SPATS2: variants seen among roughly 807,000 people sequenced by gnomAD.
The protein encoded by SPATS2 is spermatogenesis-associated serine-rich protein 2.
Under a neutral mutation model 63.7 loss-of-function variants are expected in SPATS2, and 38 were observed. That is an observed-to-expected ratio of 0.60 (90% confidence interval 0.46 to 0.78). SPATS2 has a LOEUF of 0.78. Ranked by LOEUF, SPATS2 falls within the 30% of genes least tolerant of loss-of-function variation. SPATS2 has a pLI of 0.00. For missense variants in SPATS2, 588 were observed against 666.2 expected (o/e 0.88, Z 1.29); for synonymous variants, 207 against 232.9 (o/e 0.89, Z 1.01).
At chr12:49,429,041 G>A (rs1945133635) in intron 2 of SPATS2, among the ~76,000 whole-genome samples, 1 of 152,166 alleles carries the variant, frequency 6.6e-6, no homozygotes, top group Non-Finnish European at 1.5e-5. Flanking sequence ...AGTAAAATAG[G>A]AGGAGACAAA....
chr12:49,399,997 C>G (rs1944577809), intron 2 of SPATS2, among the ~76,000 whole-genome samples: 1 of 152,130 alleles, frequency 6.6e-6, no homozygotes, highest in African/African-American at 2.4e-5. Context: ...GATCACGCCA[C>G]TGCACTCCAG....
At chr12:49,491,208 C>T (rs1227328334) in intron 6 of SPATS2, 1 of 152,694 alleles carries the variant, frequency 6.5e-6, no homozygotes, top group African/African-American at 2.4e-5. Flanking sequence ...CCACACAGTC[C>T]TCTCCGTGTG....
intron 3 of SPATS2, among the ~76,000 whole-genome samples, chr12:49,476,209 G>A (rs1025087022): frequency 6.6e-6 from 1 of 152,164 alleles, no homozygotes; most frequent in Non-Finnish European, 1.5e-5. Context: ...GAACACACAG[G>A]CGGCTGGAGG....
chr12:49,430,196 G>T (rs1451450552), intron 2 of SPATS2, among the ~76,000 whole-genome samples: 3 of 148,496 alleles, frequency 2.0e-5, no homozygotes, highest in Non-Finnish European at 4.4e-5. Context: ...TGCCTCCCAG[G>T]TTCAAGCAGT....
In SPATS2 at chr12:49,526,001, A is replaced by G; in HGVS notation, c.1384A>G (p.Asn462Asp). 2.5e-6 allele frequency: 4 copies of G among 1,614,278 alleles called. No homozygotes were observed. The highest frequency in any genetic ancestry group is 3.4e-6 in the Non-Finnish European group (4 of 1,180,048). ...QGYRPQGQKS[N>D]DPMNQGRHDS... The stretch of plus-strand genomic sequence containing the variant: ...CTATAGGCCACAAGGCCAAAAGTCC[A>G]ATGACCCCATGAACCAAGGGCGGCA... The change falls in exon 14 of 14, where the codon AAT becomes GAT. Residue 462 changes from asparagine (N) to aspartate (D), a missense_variant. Physicochemically the swap from Asn to Asp is conservative, Grantham distance 23. Coordinates refer to ENST00000552918, the MANE Select transcript of SPATS2 (RefSeq NM_023071.4).
intron 2 of SPATS2, among the ~76,000 whole-genome samples, chr12:49,421,119 C>T (rs11611801): frequency 0.092 from 14,043 of 152,122 alleles, 758 homozygotes; most frequent in African/African-American, 0.14. Flanking sequence ...CACGTGTATA[C>T]GTAAAAATTC....
intron 11 of SPATS2, among the ~76,000 whole-genome samples, chr12:49,519,514 G>GC (rs879938760): frequency 3.9e-5 from 6 of 152,148 alleles, no homozygotes; most frequent in Non-Finnish European, 8.8e-5. Context: ...TTCTGTAAGA[G>GC]CCTCTTAACT....
chr12:49,382,577 T>C lies in SPATS2; in HGVS notation c.-244+11287T>C, dbSNP rs1343558233. 1.3e-5 allele frequency among the ~76,000 whole-genome samples: 2 copies of C among 152,238 alleles called. 1 individual carries two copies. The highest frequency in any genetic ancestry group is 2.9e-5 in the Non-Finnish European group (2 of 68,034). ...ACTTTGATCCCTAACACTAGCCCTT[T>C]CCAAATAACACTGTCCTAATTAACA... On this transcript the variant is annotated intron_variant, in intron 2 of 13. Transcript: ENST00000552918.
intron 7 of SPATS2, among the ~76,000 whole-genome samples, chr12:49,495,719 T>C (rs943043397): frequency 2.6e-5 from 4 of 152,204 alleles, no homozygotes; most frequent in African/African-American, 7.2e-5. Context: ...AGCAGAGAAA[T>C]ACCTCAGTAT....
intron 2 of SPATS2, chr12:49,389,487 G>C (rs1390155848): frequency 1.1e-5 from 9 of 805,888 alleles, no homozygotes; most frequent in Non-Finnish European, 2.0e-5. Flanking sequence ...ACGGCTGCGA[G>C]GGACTAAGAG....
intron 2 of SPATS2, among the ~76,000 whole-genome samples, chr12:49,457,819 T>C (rs944081091): frequency 1.3e-5 from 2 of 152,214 alleles, no homozygotes; most frequent in African/African-American, 4.8e-5. Flanking sequence ...ATCTGAGTTC[T>C]GTTCTTTTTT....
At chr12:49,445,614 T>C (rs1565725996) in intron 2 of SPATS2, among the ~76,000 whole-genome samples, 2 of 152,034 alleles carry the variant, frequency 1.3e-5, no homozygotes, top group African/African-American at 4.8e-5. Context: ...ACCTCCCAGG[T>C]TCAAGTGATC....
chr12:49,510,883 T>C (rs1283019246), intron 9 of SPATS2, among the ~76,000 whole-genome samples: 1 of 152,310 alleles, frequency 6.6e-6, no homozygotes, highest in East Asian at 1.9e-4. Flanking sequence ...ATGGGGATGC[T>C]TCAGTAACAG....
At chr12:49,433,602 T>C (rs1295254275) in intron 2 of SPATS2, among the ~76,000 whole-genome samples, 2 of 152,214 alleles carry the variant, frequency 1.3e-5, no homozygotes, top group African/African-American at 4.8e-5. Context: ...GAGAAATGCC[T>C]GTTTAACTCC....
chr12:49,390,857 T>C (rs1944406345), intron 2 of SPATS2, among the ~76,000 whole-genome samples: 1 of 152,116 alleles, frequency 6.6e-6, no homozygotes. Flanking sequence ...ATAATAGACA[T>C]TTTAGTAGGT....
chr12:49,506,237 A>G (rs1179124168), intron 9 of SPATS2, among the ~76,000 whole-genome samples: 2 of 152,196 alleles, frequency 1.3e-5, no homozygotes, highest in African/African-American at 4.8e-5. Flanking sequence ...CATGCCTGTA[A>G]TCCCAGCACT....
At chr12:49,459,299 A>T (rs1565732577) in intron 2 of SPATS2, among the ~76,000 whole-genome samples, 1 of 152,118 alleles carries the variant, frequency 6.6e-6, no homozygotes, top group African/African-American at 2.4e-5. Flanking sequence ...GTGCCTGCCC[A>T]CCAGACACCT....
At chr12:49,443,405 G>A (rs1314199460) in intron 2 of SPATS2, among the ~76,000 whole-genome samples, 2 of 152,056 alleles carry the variant, frequency 1.3e-5, no homozygotes, top group Non-Finnish European at 2.9e-5. Flanking sequence ...GAGGATTCTT[G>A]TCTATACTTT....
At chr12:49,452,884 G>A (rs535110049) in intron 2 of SPATS2, among the ~76,000 whole-genome samples, 4 of 151,920 alleles carry the variant, frequency 2.6e-5, no homozygotes, top group Admixed American at 6.6e-5. Flanking sequence ...GAGGCCGGGC[G>A]CAGTGGCTCA....
Sources: gnomAD v4.1 joint callset for allele counts (sites outside exome capture counted in the v4.1 genomes callset) on GRCh38, gnomAD v4.1.1 for gene constraint, MANE v1.5 for transcripts, NCBI Gene and HGNC (gene_info 2026-07-23, HGNC 2026-07-21) for gene names.